The following RARB variants were observed in gnomAD, a reference collection of about 807,000 sequenced individuals.
The protein encoded by RARB is HBV-activated protein.
In RARB, 17 loss-of-function variants were observed where a neutral mutation model predicts 51.9. That is an observed-to-expected ratio of 0.33 (90% CI 0.22 to 0.49). The LOEUF is 0.49. Ranked by LOEUF, RARB falls within the 20% of genes least tolerant of loss-of-function variation. The pLI, the probability that RARB is intolerant of heterozygous loss-of-function variation, is 0.99. For synonymous variants in RARB, 215 were observed against 195.4 expected (o/e 1.10, Z -0.84); for missense variants, 369 against 550.8 (o/e 0.67, Z 3.30).
intron 1 of RARB, among the ~76,000 whole-genome samples, chr3:24,843,838 A>T (rs895466898): frequency 6.6e-6 from 1 of 151,888 alleles, no homozygotes; most frequent in Non-Finnish European, 1.5e-5. Flanking sequence ...AAAGTCGATC[A>T]GCTGTGCTCT....
intron 4 of RARB, among the ~76,000 whole-genome samples, chr3:25,150,017 TA>T (rs1274162542): frequency 1.3e-4 from 19 of 151,866 alleles, no homozygotes; most frequent in Admixed American, 1.2e-3. Flanking sequence ...ACATGACCGA[TA>T]TGGTGAAACC....
intron 3 of RARB, among the ~76,000 whole-genome samples, chr3:25,130,489 A>G (rs1486452195): frequency 6.6e-6 from 1 of 151,510 alleles, no homozygotes; most frequent in Non-Finnish European, 1.5e-5. Flanking sequence ...ATTTTTTTTT[A>G]ATAAAATAGT....
chr3:25,518,478 C>G (rs1197612464), intron 3 of RARB, among the ~76,000 whole-genome samples: 2 of 148,184 alleles, frequency 1.3e-5, no homozygotes, highest in Admixed American at 6.6e-5. Flanking sequence ...TGCTCTTCCT[C>G]AGGACATCCC....
chr3:24,891,563 CTA>C (rs1048938791), intron 2 of RARB, among the ~76,000 whole-genome samples: 1 of 152,186 alleles, frequency 6.6e-6, no homozygotes, highest in African/African-American at 2.4e-5. Flanking sequence ...ACCCCCATCT[CTA>C]TAAATATATA....
At chr3:24,978,338 C>G (rs1256322254) in intron 2 of RARB, among the ~76,000 whole-genome samples, 1 of 152,122 alleles carries the variant, frequency 6.6e-6, no homozygotes, top group Non-Finnish European at 1.5e-5. Context: ...GGTACCAGCT[C>G]CTTTTTGTAC....
chr3:25,169,180 C>A (rs574982258), intron 4 of RARB, among the ~76,000 whole-genome samples: 1 of 152,212 alleles, frequency 6.6e-6, no homozygotes, highest in South Asian at 2.1e-4. Context: ...ACATAACATC[C>A]TTCAGAAAAC....
chr3:25,234,669 C>G (rs547813883), intron 5 of RARB, among the ~76,000 whole-genome samples: 1 of 152,136 alleles, frequency 6.6e-6, no homozygotes, highest in South Asian at 2.1e-4. Context: ...GTCTCTCGTC[C>G]CAAATAGTTC....
At chr3:25,175,646 C>T (rs1033701414) in intron 5 of RARB, among the ~76,000 whole-genome samples, 3 of 152,198 alleles carry the variant, frequency 2.0e-5, no homozygotes, top group African/African-American at 7.2e-5. Context: ...GATGGACGAA[C>T]AGACTGACAG....
At chr3:25,420,104 G>A (rs779383199) in intron 5 of RARB, among the ~76,000 whole-genome samples, 22 of 152,034 alleles carry the variant, frequency 1.4e-4, no homozygotes, top group South Asian at 4.2e-4. Flanking sequence ...GTGTGTGCGC[G>A]CGTGTGTGTG....
At chr3:25,333,299 A>C (rs9870001) in intron 5 of RARB, among the ~76,000 whole-genome samples, 22,028 of 152,118 alleles carry the variant, frequency 0.14, 1,797 homozygotes, top group African/African-American at 0.22. Context: ...ACAGTAACCA[A>C]AACAGCATGG....
chr3:24,852,148 G>A (rs1351035661), intron 1 of RARB, among the ~76,000 whole-genome samples: 1 of 152,066 alleles, frequency 6.6e-6, no homozygotes, highest in Admixed American at 6.6e-5. Flanking sequence ...TTAGTGATGG[G>A]TTAACAGTAA....
At chr3:25,388,858 A>G (rs925917672) in intron 5 of RARB, among the ~76,000 whole-genome samples, 76 of 152,222 alleles carry the variant, frequency 5.0e-4, no homozygotes, top group Non-Finnish European at 5.9e-5. Context: ...TATTAAAAAA[A>G]AATCTAGAAA....
chr3:25,242,746 C>T, intron 5 of RARB, among the ~76,000 whole-genome samples: 1 of 152,184 alleles, frequency 6.6e-6, no homozygotes, highest in South Asian at 2.1e-4. Flanking sequence ...TAGCATGATG[C>T]CTCCAGCTTT....
At chr3:25,505,303 A>T (rs911239013) in intron 3 of RARB, among the ~76,000 whole-genome samples, 1 of 152,182 alleles carries the variant, frequency 6.6e-6, no homozygotes. Context: ...ACTGAAATAT[A>T]TACTGCGTGC....
At chr3:25,062,565 T>A (rs1349667444) in intron 3 of RARB, among the ~76,000 whole-genome samples, 1 of 151,984 alleles carries the variant, frequency 6.6e-6, no homozygotes. Flanking sequence ...CCTGCTTAAA[T>A]CATGATATGT....
intron 4 of RARB, among the ~76,000 whole-genome samples, chr3:25,576,938 G>A (rs1189595069): frequency 6.6e-6 from 1 of 152,196 alleles, no homozygotes; most frequent in Non-Finnish European, 1.5e-5. Flanking sequence ...TAGATAATGT[G>A]TGTATTGACC....
intron 3 of RARB, among the ~76,000 whole-genome samples, chr3:25,079,204 T>C (rs1194480259): frequency 1.3e-5 from 2 of 152,228 alleles, no homozygotes; most frequent in Non-Finnish European, 2.9e-5. Context: ...TTTGGAAATA[T>C]AATTTATTTT....
intron 5 of RARB, among the ~76,000 whole-genome samples, chr3:25,235,003 G>A (rs554840195): frequency 1.5e-3 from 225 of 152,192 alleles, no homozygotes; most frequent in South Asian, 2.7e-3. Context: ...TACTTCCCCT[G>A]CAACTTCCAG....
At chr3:25,172,408 G>A (rs1165227759) in intron 4 of RARB, among the ~76,000 whole-genome samples, 1 of 152,154 alleles carries the variant, frequency 6.6e-6, no homozygotes, top group Non-Finnish European at 1.5e-5. Flanking sequence ...TTCTCATCTG[G>A]AAAATAAAAA....
Sources: gnomAD v4.1 joint callset for allele counts (sites outside exome capture counted in the v4.1 genomes callset) on GRCh38, gnomAD v4.1.1 for gene constraint, MANE v1.5 for transcripts, NCBI Gene and HGNC (gene_info 2026-07-23, HGNC 2026-07-21) for gene names.